Variants in ADD2 observed in about 807,000 individuals in gnomAD.
ADD2 encodes beta-adducin.
A neutral mutation model predicts 83.0 loss-of-function variants in ADD2; 23 were observed. The ratio of observed to expected loss-of-function variants is 0.28; its 90% confidence interval spans 0.20 to 0.39. ADD2 has a LOEUF of 0.39. Among genes scored for constraint, ADD2 ranks in the 10% least tolerant of loss-of-function variants. The pLI is 1.00. For missense variants in ADD2, 758 were observed against 944.9 expected (o/e 0.80, Z 2.59); for synonymous variants, 375 against 375.4 (o/e 1.00, Z 0.01).
chr2:70,712,209 C>T (rs932157352), intron 2 of ADD2, among the ~76,000 whole-genome samples: 2 of 151,926 alleles, frequency 1.3e-5, no homozygotes, highest in African/African-American at 4.8e-5. Context: ...TTTGGGAGGC[C>T]GAGGCGGATG....
At chr2:70,735,989 C>T (rs782820681) in intron 1 of ADD2, among the ~76,000 whole-genome samples, 9 of 151,588 alleles carry the variant, frequency 5.9e-5, no homozygotes, top group Non-Finnish European at 5.9e-5. Context: ...AGGCATGAGC[C>T]GCCACACACA....
chr2:70,672,263 T>C (rs535869675), intron 15 of ADD2, among the ~76,000 whole-genome samples: 4 of 152,316 alleles, frequency 2.6e-5, no homozygotes, highest in South Asian at 2.1e-4. Flanking sequence ...TAGCTCTCTA[T>C]TGAAGCTGTT....
chr2:70,723,392 A>ATT (rs5832028), intron 1 of ADD2, among the ~76,000 whole-genome samples: 4,840 of 148,238 alleles, frequency 0.033, 215 homozygotes, highest in African/African-American at 0.1. Flanking sequence ...CAACAATTGA[A>ATT]TTTTTTTTTT....
chr2:70,767,651 G>C, intron 1 of ADD2: 1 of 1,336,028 alleles, frequency 7.5e-7, no homozygotes, highest in Non-Finnish European at 9.5e-7. Flanking sequence ...CCCCAAGCAG[G>C]GGCCAGTGCT....
Position 70,657,019 on chromosome 2 carries a change from A to G in ADD2, c.*6406T>C, listed in dbSNP as rs898461122. ...AACCAACCCATAAATATATATATAT[A>G]TATAATATGTGTATATATATAAAAT... On this transcript the variant is annotated 3_prime_UTR_variant, in exon 16 of 16. Transcript: ENST00000264436. The G allele has an allele frequency of 4.0e-5, 6 of 150,864 alleles. No homozygotes were observed. Among genetic ancestry groups the G allele is most frequent in the African/African-American group, 1.2e-4 (5 of 41,226 alleles). 9.3% of individuals were successfully genotyped at this position (150,864 alleles called of 1,614,324 possible).
intron 1 of ADD2, among the ~76,000 whole-genome samples, chr2:70,730,189 G>T (rs1161562463): frequency 6.6e-6 from 1 of 152,208 alleles, no homozygotes; most frequent in Non-Finnish European, 1.5e-5. Flanking sequence ...GCAGCCCTGG[G>T]ATGCTATACA....
intron 10 of ADD2, among the ~76,000 whole-genome samples, chr2:70,682,944 GAACT>G (rs1180610537): frequency 1.3e-5 from 2 of 151,326 alleles, no homozygotes; most frequent in African/African-American, 4.9e-5. Context: ...CAGAAAGACA[GAACT>G]AACTATATAA....
intron 15 of ADD2, among the ~76,000 whole-genome samples, chr2:70,665,900 C>T (rs1160135834): frequency 6.6e-6 from 1 of 151,622 alleles, no homozygotes; most frequent in Non-Finnish European, 1.5e-5. Context: ...ACTGCAATCT[C>T]CACCTCCTAG....
intron 1 of ADD2, among the ~76,000 whole-genome samples, chr2:70,765,191 A>G (rs531913878): frequency 1.3e-5 from 2 of 152,082 alleles, no homozygotes; most frequent in Admixed American, 1.3e-4. Context: ...CGTCTCTACT[A>G]AAAATGCAAA....
chr2:70,683,978 A>G (rs1013407524), intron 9 of ADD2, among the ~76,000 whole-genome samples: 14 of 152,376 alleles, frequency 9.2e-5, no homozygotes, highest in African/African-American at 1.7e-4. Flanking sequence ...GAGATTATAA[A>G]GAAGGAAACA....
chr2:70,665,813 TTTTTG>T (rs1389793531), intron 15 of ADD2, among the ~76,000 whole-genome samples: 11 of 135,850 alleles, frequency 8.1e-5, no homozygotes, highest in African/African-American at 2.9e-4. Flanking sequence ...CACACTTGTT[TTTTTG>T]TTTTTTTTTT....
At chr2:70,733,334 C>T (rs951504779) in intron 1 of ADD2, among the ~76,000 whole-genome samples, 1 of 152,236 alleles carries the variant, frequency 6.6e-6, no homozygotes, top group African/African-American at 2.4e-5. Context: ...ATGCATAAAA[C>T]ACCATGCCAC....
intron 3 of ADD2, among the ~76,000 whole-genome samples, chr2:70,705,723 G>T (rs1469864644): frequency 2.0e-5 from 3 of 152,084 alleles, no homozygotes; most frequent in African/African-American, 7.2e-5. Flanking sequence ...CCCACAGCCC[G>T]GCTGAGCCCT....
chr2:70,758,926 C>T (rs1674938215), intron 1 of ADD2, among the ~76,000 whole-genome samples: 1 of 152,100 alleles, frequency 6.6e-6, no homozygotes, highest in Non-Finnish European at 1.5e-5. Context: ...AACAGGAACC[C>T]AAGCAAAGTA....
intron 14 of ADD2, among the ~76,000 whole-genome samples, 166 bp downstream of exon 14, chr2:70,674,512 G>A (rs782404451): frequency 6.6e-6 from 1 of 152,148 alleles, no homozygotes; most frequent in Non-Finnish European, 1.5e-5. Context: ...TGAAGGCACC[G>A]AGTAACTGTC....
At chr2:70,756,735 T>C (rs998462718) in intron 1 of ADD2, among the ~76,000 whole-genome samples, 18 of 152,286 alleles carry the variant, frequency 1.2e-4, no homozygotes, top group African/African-American at 4.1e-4. Flanking sequence ...AATCTGGTTG[T>C]AGTGAATCTA....
intron 8 of ADD2, among the ~76,000 whole-genome samples, chr2:70,689,009 G>T (rs993378057): frequency 6.6e-6 from 1 of 152,062 alleles, no homozygotes; most frequent in Non-Finnish European, 1.5e-5. Flanking sequence ...GGAGGGTGAG[G>T]TGGGAGGATC....
At chr2:70,698,284 G>A (rs1671410984) in intron 4 of ADD2, among the ~76,000 whole-genome samples, 1 of 152,212 alleles carries the variant, frequency 6.6e-6, no homozygotes, top group African/African-American at 2.4e-5. Flanking sequence ...CACATCATCT[G>A]TGTCTGTATC....
intron 1 of ADD2, among the ~76,000 whole-genome samples, chr2:70,729,734 A>G (rs539339630): frequency 2.6e-5 from 4 of 152,346 alleles, no homozygotes; most frequent in Admixed American, 2.0e-4. Flanking sequence ...TTGCAGTTCC[A>G]GTCCTTTACA....
Sources: gnomAD v4.1 joint callset for allele counts (sites outside exome capture counted in the v4.1 genomes callset) on GRCh38, gnomAD v4.1.1 for gene constraint, MANE v1.5 for transcripts, NCBI Gene and HGNC (gene_info 2026-07-23, HGNC 2026-07-21) for gene names.